The following ABCC6 variants were observed in gnomAD, a reference collection of about 807,000 sequenced individuals.
ABCC6 encodes the protein ATP-binding cassette sub-family C member 6.
Under a neutral mutation model 169.5 loss-of-function variants are expected in ABCC6, and 126 were observed. That is an observed-to-expected ratio of 0.74 (90% CI 0.64 to 0.86). ABCC6 has a LOEUF of 0.86. Among genes scored for constraint, ABCC6 ranks in the 40% least tolerant of loss-of-function variants. The probability of loss-of-function intolerance (pLI) is 0.00; values close to 1 mark genes in which losing one functional copy is unlikely to be tolerated. For synonymous variants in ABCC6, 752 were observed against 814.7 expected, an observed-to-expected ratio of 0.92 and a Z score of 1.31; for missense variants, 1,733 against 1,927.2, an observed-to-expected ratio of 0.90 and a Z score of 1.89.
chr16:16,177,319 T>C (rs1272855613), intron 19 of ABCC6, 133 bp downstream of exon 19: 12 of 997,720 alleles, frequency 1.2e-5, no homozygotes, highest in Non-Finnish European at 1.9e-5. Context: ...AAGAGAGCTG[T>C]CTGCTTCCAG....
At chr16:16,194,188 C>A (rs8044613) in intron 10 of ABCC6, among the ~76,000 whole-genome samples, 26,474 of 152,200 alleles carry the variant, frequency 0.17, 3,911 homozygotes, top group East Asian at 0.54. Flanking sequence ...ATTCTCTTGT[C>A]TGCAAAATGG....
At chr16:16,168,950 T>C (rs548423512) in intron 22 of ABCC6, among the ~76,000 whole-genome samples, 1 of 152,008 alleles carries the variant, frequency 6.6e-6, no homozygotes, top group African/African-American at 2.4e-5. Flanking sequence ...GCTGCACACT[T>C]GTAATCCCAG....
In ABCC6 at chr16:16,150,717, T is replaced by G. The variant is rs549920304; in HGVS notation, c.4264A>C (p.Ile1422Leu). 1 of 1,613,952 alleles carries G rather than the reference T, an allele frequency of 6.2e-7. No individual in the cohort carries two copies. The highest frequency in any genetic ancestry group is 2.2e-5 in the East Asian group (1 of 44,872). ...LARALLRKTQ[I>L]LILDEATAAV... ...GCAGTAGCCTCGTCCAGGATGAGGA[T>G]CTGGGTCTTCCGGAGAAGGGCACGT... Residue 1422 changes from isoleucine to leucine, a missense_variant, in exon 30 of 31, where the codon ATC becomes CTC. This residue lies in a region of ABCC6 where 1,601 missense variants were observed against 1,635.5 expected (regional missense o/e 0.98). Coordinates refer to ENST00000205557, the MANE Select transcript of ABCC6 (RefSeq NM_001171.6).
intron 17 of ABCC6, among the ~76,000 whole-genome samples, chr16:16,180,419 C>G (rs1036156279): frequency 6.6e-6 from 1 of 152,184 alleles, no homozygotes; most frequent in Non-Finnish European, 1.5e-5. Flanking sequence ...TATAATTTCC[C>G]TTGTGCACTA....
At chr16:16,198,220 G>T in intron 9 of ABCC6, 38 bp from the exon 10 acceptor site, 1 of 1,556,786 alleles carries the variant, frequency 6.4e-7, no homozygotes, top group Non-Finnish European at 8.7e-7. Flanking sequence ...AAAGTGGGGA[G>T]GCCGGGGCAG....
At chr16:16,206,956 G>A (rs1283196185) in intron 7 of ABCC6, among the ~76,000 whole-genome samples, 2 of 152,204 alleles carry the variant, frequency 1.3e-5, no homozygotes, top group East Asian at 1.9e-4. Context: ...GGCCAACATG[G>A]TGAGACCCTG....
intron 20 of ABCC6, among the ~76,000 whole-genome samples, chr16:16,173,611 A>T (rs918610282): frequency 6.6e-6 from 1 of 152,078 alleles, no homozygotes; most frequent in Admixed American, 6.5e-5. Context: ...CTATTACCCC[A>T]GGGTCAAGCA....
chr16:16,188,614 A>G (rs748811037), intron 13 of ABCC6, among the ~76,000 whole-genome samples: 11 of 152,160 alleles, frequency 7.2e-5, no homozygotes, highest in East Asian at 1.9e-4. Flanking sequence ...AGGTCTGCAC[A>G]TTGCCCTCCA....
intron 13 of ABCC6, among the ~76,000 whole-genome samples, chr16:16,188,035 C>G (rs2047711427): frequency 1.3e-5 from 2 of 151,824 alleles, no homozygotes; most frequent in Non-Finnish European, 2.9e-5. Flanking sequence ...GGTTCAAGAC[C>G]AGCCTGGCCT....
intron 4 of ABCC6, among the ~76,000 whole-genome samples, chr16:16,214,873 G>C (rs866911043): frequency 6.6e-6 from 1 of 152,136 alleles, no homozygotes; most frequent in African/African-American, 2.4e-5. Flanking sequence ...GCCTCCCAAA[G>C]TGTTGGGATT....
intron 12 of ABCC6, among the ~76,000 whole-genome samples, chr16:16,189,812 G>A (rs1425093591): frequency 1.3e-5 from 2 of 152,148 alleles, no homozygotes; most frequent in Non-Finnish European, 2.9e-5. Flanking sequence ...ATCACGTCCA[G>A]TGACAGGGTG....
chr16:16,175,602 C>T (rs1349662307), intron 20 of ABCC6, among the ~76,000 whole-genome samples: 1 of 152,180 alleles, frequency 6.6e-6, no homozygotes, highest in East Asian at 1.9e-4. Flanking sequence ...TGGGGAGGAA[C>T]CAGTCCTGCC....
At chr16:16,222,614 A>C (rs2141229534) in intron 1 of ABCC6, among the ~76,000 whole-genome samples, 1 of 152,032 alleles carries the variant, frequency 6.6e-6, no homozygotes, top group South Asian at 2.1e-4. Context: ...TCCTGGTCTC[A>C]AGCAATCCTC....
At chr16:16,206,072 T>C (rs1348723495) in intron 7 of ABCC6, among the ~76,000 whole-genome samples, 1 of 152,252 alleles carries the variant, frequency 6.6e-6, no homozygotes, top group Non-Finnish European at 1.5e-5. Context: ...TGGAAAGTTT[T>C]CTTTCTGGCT....
At chr16:16,192,760 T>C (rs1438401967) in intron 11 of ABCC6, 70 bp downstream of exon 11, 1 of 1,441,004 alleles carries the variant, frequency 6.9e-7, no homozygotes, top group Non-Finnish European at 9.7e-7. Context: ...CCCCTCCGCA[T>C]CTCCCACACC....
intron 12 of ABCC6, among the ~76,000 whole-genome samples, chr16:16,189,883 C>G (rs1277901044): frequency 6.6e-6 from 1 of 152,184 alleles, no homozygotes; most frequent in Non-Finnish European, 1.5e-5. Context: ...TCTACCTCTG[C>G]CACCCCCCTG....
chr16:16,206,345 C>A (rs143943132), intron 7 of ABCC6, among the ~76,000 whole-genome samples: 32 of 152,188 alleles, frequency 2.1e-4, no homozygotes, highest in African/African-American at 5.3e-4. Context: ...GTGGTGGAGG[C>A]CGGGCACGGT....
Position 16,190,483 on chromosome 16 carries a change from C to T in ABCC6, c.1432-116G>A, listed in dbSNP as rs2152270307. 7.1e-6 allele frequency: 8 copies of T among 1,131,704 alleles called. No individual in the cohort carries two copies. In the South Asian group the frequency reaches 9.1e-5, roughly 13 times the overall value. 70.1% of individuals were successfully genotyped at this position (1,131,704 alleles called of 1,614,324 possible). On this transcript the variant is annotated intron_variant, in intron 11 of 30. Coordinates refer to ENST00000205557, the MANE Select transcript of ABCC6 (RefSeq NM_001171.6). ...CATCTCACCAAACTGCGTCCCAAAC[C>T]TGTCTGCCTCTCAGCACCTCTGACC...
intron 2 of ABCC6, chr16:16,220,529 A>G (rs2049037021): frequency 1.3e-5 from 2 of 158,324 alleles, no homozygotes; most frequent in Non-Finnish European, 2.8e-5. Flanking sequence ...TCAAAGAAAA[A>G]CAAAAAGCAT....
Sources: allele counts gnomAD v4.1 joint callset (sites outside exome capture counted in the v4.1 genomes callset), GRCh38; gene constraint gnomAD v4.1.1; regional missense constraint gnomAD v4.1.1; transcripts MANE v1.5; gene names NCBI Gene and HGNC (gene_info 2026-07-23, HGNC 2026-07-21).